SCML4: variants seen among roughly 807,000 people sequenced by gnomAD.
The protein encoded by SCML4 is sex comb on midleg-like protein 4.
A neutral mutation model predicts 41.1 loss-of-function variants in SCML4; 34 were observed. The ratio of observed to expected loss-of-function variants is 0.83; its 90% confidence interval spans 0.63 to 1.10. The LOEUF (loss-of-function observed/expected upper bound fraction) is 1.10, where lower values mean the gene tolerates loss of function less well. Ranked by LOEUF, SCML4 falls within the 50% of genes least tolerant of loss-of-function variation. The pLI, the probability that SCML4 is intolerant of heterozygous loss-of-function variation, is 0.00. For synonymous variants in SCML4, 214 were observed against 220.9 expected, an observed-to-expected ratio of 0.97 and a Z score of 0.28; for missense variants, 522 against 534.1, an observed-to-expected ratio of 0.98 and a Z score of 0.22.
intron 2 of SCML4, among the ~76,000 whole-genome samples, chr6:107,763,811 A>G (rs570312195): frequency 6.6e-6 from 1 of 152,290 alleles, no homozygotes; most frequent in African/African-American, 2.4e-5. Context: ...ATCCTGCTGC[A>G]CCTTGATCTT....
At chr6:107,755,516 A>G in intron 2 of SCML4, 17 of 871,262 alleles carry the variant, frequency 2.0e-5, no homozygotes, top group Non-Finnish European at 2.5e-5. Flanking sequence ...ATATGAGCCC[A>G]CTGGCTAGAA....
At chr6:107,706,035 T>A (rs1191660075) in intron 7 of SCML4, among the ~76,000 whole-genome samples, 1 of 152,118 alleles carries the variant, frequency 6.6e-6, no homozygotes, top group Non-Finnish European at 1.5e-5. Context: ...CATTTTCAGG[T>A]CACTGGAGAC....
At chr6:107,781,536 A>G (rs1012242658) in intron 1 of SCML4, among the ~76,000 whole-genome samples, 10 of 152,094 alleles carry the variant, frequency 6.6e-5, no homozygotes, top group African/African-American at 2.2e-4. Context: ...GCTCCCAGCT[A>G]TTCAGGAGGC....
chr6:107,773,886 T>TG (rs1377198722), intron 1 of SCML4, among the ~76,000 whole-genome samples: 2 of 152,224 alleles, frequency 1.3e-5, no homozygotes, highest in Non-Finnish European at 2.9e-5. Flanking sequence ...CCCTACACCC[T>TG]GGCCTGGGCC....
At chr6:107,825,786 A>C (rs138723615), upstream of SCML4, among the ~76,000 whole-genome samples, 683 of 151,912 alleles carry the variant, frequency 4.5e-3, 5 homozygotes, top group East Asian at 0.024. Context: ...AAATACAAAA[A>C]ATTAGCTGGG....
At chr6:107,751,834 C>T (rs1284178322) in intron 2 of SCML4, among the ~76,000 whole-genome samples, 1 of 152,054 alleles carries the variant, frequency 6.6e-6, no homozygotes, top group Non-Finnish European at 1.5e-5. Context: ...CAGGCTTTCA[C>T]CATGTTGGCC....
the SCML4 span, among the ~76,000 whole-genome samples, chr6:107,841,978 C>T: frequency 1.3e-5 from 2 of 151,934 alleles, no homozygotes; most frequent in African/African-American, 4.8e-5. Flanking sequence ...GGTTTAATTG[C>T]TTTTCTTTCT....
upstream of SCML4, among the ~76,000 whole-genome samples, chr6:107,825,628 A>C (rs1304286102): frequency 6.6e-6 from 1 of 152,168 alleles, no homozygotes; most frequent in East Asian, 1.9e-4. Context: ...AAGAAGGAGG[A>C]AGAGGAGAAG....
chr6:107,783,935 C>T (rs761314580), intron 1 of SCML4, among the ~76,000 whole-genome samples: 4 of 152,170 alleles, frequency 2.6e-5, no homozygotes, highest in Non-Finnish European at 2.9e-5. Context: ...CTCTGCTGGG[C>T]GACCTGGTCC....
Position 107,710,815 on chromosome 6 carries a change from T to G in SCML4, c.974-2804A>C, listed in dbSNP as rs1403838385. ...AATGTTGTAAAGCATTAAACAGGAT[T>G]ACTCATTAGGTAGTTGCTGTTCTTC... On this transcript the variant is annotated intron_variant, in intron 6 of 7. Coordinates refer to ENST00000369020, the MANE Select transcript of SCML4 (RefSeq NM_198081.5). 3.2e-5 allele frequency among the ~76,000 whole-genome samples: 2 copies of G among 63,232 alleles called. 1 individual carries two copies. Among genetic ancestry groups the G allele is most frequent in the African/African-American group, 1.2e-4 (2 of 16,122 alleles). The allele number at this position is 63,232 out of a possible 152,430, so 41.5% of individuals were successfully genotyped here. A position where few individuals can be genotyped will look rare whatever the true frequency, so the allele number is the denominator to read the frequency against.
At chr6:107,723,472 C>T (rs1775639812) in intron 5 of SCML4, among the ~76,000 whole-genome samples, 1 of 152,156 alleles carries the variant, frequency 6.6e-6, no homozygotes, top group African/African-American at 2.4e-5. Context: ...ATCACTTTCA[C>T]ACCACCATAA....
At chr6:107,822,449 C>T (rs1008502775) in intron 1 of SCML4, among the ~76,000 whole-genome samples, 1 of 150,982 alleles carries the variant, frequency 6.6e-6, no homozygotes, top group Non-Finnish European at 1.5e-5. Flanking sequence ...TTACTCGTTT[C>T]GCTTATTGTT....
intron 1 of SCML4, among the ~76,000 whole-genome samples, chr6:107,779,563 C>CT (rs1416697198): frequency 1.3e-5 from 2 of 152,186 alleles, no homozygotes; most frequent in Non-Finnish European, 2.9e-5. Context: ...CTGCTGGACT[C>CT]TAAGTTGTTT....
intron 2 of SCML4, among the ~76,000 whole-genome samples, chr6:107,757,065 G>A (rs963736047): frequency 7.9e-5 from 12 of 152,230 alleles, no homozygotes; most frequent in Admixed American, 5.9e-4. Context: ...ATACTGCTGG[G>A]ACAAAGCGGT....
intron 2 of SCML4, 31 bp from the exon 3 acceptor site, chr6:107,749,844 A>C: frequency 4.3e-6 from 7 of 1,612,574 alleles, no homozygotes; most frequent in Non-Finnish European, 5.9e-6. Flanking sequence ...GGTCAATGAG[A>C]ATCTGGCAAT....
upstream of SCML4, among the ~76,000 whole-genome samples, chr6:107,825,683 G>A (rs1336618144): frequency 2.0e-5 from 3 of 152,194 alleles, no homozygotes; most frequent in African/African-American, 7.2e-5. Context: ...GCTCATGCCT[G>A]TAATCCCAGC....
chr6:107,805,832 A>G (rs1023232646), intron 1 of SCML4, among the ~76,000 whole-genome samples: 49 of 152,304 alleles, frequency 3.2e-4, no homozygotes, highest in African/African-American at 7.7e-4. Flanking sequence ...TCTGAAATAC[A>G]ATATTCCTAA....
chr6:107,721,141 T>C (rs1374262538), intron 5 of SCML4, 148 bp from the exon 6 acceptor site: 2 of 954,672 alleles, frequency 2.1e-6, no homozygotes, highest in Non-Finnish European at 1.5e-6. Flanking sequence ...CACAACATAA[T>C]TCCAAATAGC....
chr6:107,803,805 T>G (rs1200868604), intron 1 of SCML4, among the ~76,000 whole-genome samples: 1 of 150,984 alleles, frequency 6.6e-6, no homozygotes, highest in Non-Finnish European at 1.5e-5. Context: ...TTGAATGGAT[T>G]AAGGGTGGTG....
Sources: gnomAD v4.1 joint callset for allele counts (sites outside exome capture counted in the v4.1 genomes callset) on GRCh38, gnomAD v4.1.1 for gene constraint, MANE v1.5 for transcripts, NCBI Gene and HGNC (gene_info 2026-07-23, HGNC 2026-07-21) for gene names.